RBFOX1: variants seen among roughly 807,000 people sequenced by gnomAD.
RBFOX1 encodes RNA binding protein fox-1 homolog 1.
A neutral mutation model predicts 57.7 loss-of-function variants in RBFOX1; 8 were observed. The observed-to-expected ratio is 0.14, with a 90% CI of 0.08 to 0.25. RBFOX1 has a LOEUF of 0.25. Among genes scored for constraint, RBFOX1 ranks in the 10% least tolerant of loss-of-function variants. RBFOX1 has a pLI of 1.00. For missense variants in RBFOX1, 611 were observed against 548.5 expected, an observed-to-expected ratio of 1.11 and a Z score of -1.14; for synonymous variants, 326 against 222.4, an observed-to-expected ratio of 1.47 and a Z score of -4.15.
chr16:6,832,005 A>G (rs2092741846), intron 3 of RBFOX1, among the ~76,000 whole-genome samples: 1 of 152,264 alleles, frequency 6.6e-6, no homozygotes, highest in African/African-American at 2.4e-5. Context: ...GGTATCACTA[A>G]TTAAATAAAG....
chr16:6,496,487 A>G (rs1277171276), intron 2 of RBFOX1, among the ~76,000 whole-genome samples: 1 of 152,204 alleles, frequency 6.6e-6, no homozygotes, highest in African/African-American at 2.4e-5. Context: ...TTGCTCATAC[A>G]GAAACAATCA....
chr16:6,011,246 G>A (rs1306198931), intron 4 of RBFOX1, among the ~76,000 whole-genome samples: 2 of 152,088 alleles, frequency 1.3e-5, no homozygotes, highest in African/African-American at 2.4e-5. Context: ...TCATTGACTC[G>A]CAACTTTTTT....
intron 3 of RBFOX1, among the ~76,000 whole-genome samples, chr16:6,863,329 A>T (rs2059337708): frequency 1.3e-5 from 2 of 152,222 alleles, no homozygotes; most frequent in East Asian, 1.9e-4. Flanking sequence ...ATGGGTAGAG[A>T]CAAAACGTGG....
At chr16:6,642,492 A>G (rs557115718) in intron 2 of RBFOX1, among the ~76,000 whole-genome samples, 2 of 152,166 alleles carry the variant, frequency 1.3e-5, no homozygotes, top group South Asian at 4.2e-4. Context: ...GTGCTGAGCC[A>G]GCAACCCTCG....
chr16:7,683,792 C>G (rs937565787), intron 14 of RBFOX1, among the ~76,000 whole-genome samples: 15 of 152,018 alleles, frequency 9.9e-5, no homozygotes, highest in African/African-American at 3.4e-4. Flanking sequence ...AGGTGTAGCT[C>G]TGTTGAGAAT....
chr16:6,208,673 T>G (rs2097271562), intron 1 of RBFOX1, among the ~76,000 whole-genome samples: 1 of 152,198 alleles, frequency 6.6e-6, no homozygotes, highest in African/African-American at 2.4e-5. Context: ...AATTTAGAAA[T>G]TCAAATGAAT....
chr16:7,021,356 G>C lies in RBFOX1; in HGVS notation c.-15-30701G>C, dbSNP rs1032585148. On this transcript the variant is annotated intron_variant, in intron 3 of 15. Transcript: ENST00000550418. ...TTTAAAAACATTTTTGAATATTTTAGTATTTATGTTCTTATATATTTTAAA... is the reference window on the plus strand; with the variant it reads ...TTTAAAAACATTTTTGAATATTTTACTATTTATGTTCTTATATATTTTAAA... Among the ~76,000 whole-genome samples the C allele has an allele frequency of 9.0e-5, 13 of 144,708 alleles. No individual in the cohort carries two copies. The East Asian group carries it at 2.4e-3, about 27-fold the overall frequency. 94.9% of individuals were successfully genotyped at this position (144,708 alleles called of 152,430 possible). A position where few individuals can be genotyped will look rare whatever the true frequency, so the allele number is the denominator to read the frequency against.
At chr16:6,936,999 G>A (rs371247643) in intron 3 of RBFOX1, among the ~76,000 whole-genome samples, 5 of 150,900 alleles carry the variant, frequency 3.3e-5, no homozygotes, top group Admixed American at 2.0e-4. Flanking sequence ...GCTAGATGAC[G>A]AGTTAGTGGG....
chr16:6,748,042 C>T (rs1027547016), intron 3 of RBFOX1, among the ~76,000 whole-genome samples: 2 of 152,086 alleles, frequency 1.3e-5, no homozygotes, highest in Non-Finnish European at 2.9e-5. Context: ...GTAGTGACAC[C>T]GTTATTTATT....
rs183486899 is a variant in RBFOX1 at position 7,432,423 on chromosome 16, A to G, written c.28-85724A>G. 1.1e-3 allele frequency among the ~76,000 whole-genome samples: 174 copies of G among 152,242 alleles called. 1 individual carries two copies. Among genetic ancestry groups the G allele is most frequent in the African/African-American group, 3.8e-3 (156 of 41,548 alleles). ...GCTTTTTGTGAATTCTCCTAATGCA[A>G]TCGTTGTGCTTACTGAGGCTGCTTG... is the stretch of plus-strand genomic sequence containing the variant. On this transcript the variant is annotated intron_variant, in intron 4 of 15. Transcript: ENST00000550418.
At chr16:6,251,411 G>A (rs2097610524) in intron 1 of RBFOX1, among the ~76,000 whole-genome samples, 1 of 152,098 alleles carries the variant, frequency 6.6e-6, no homozygotes, top group African/African-American at 2.4e-5. Context: ...TCAGTGTGTG[G>A]AGGGGGCAGG....
At chr16:6,031,244 T>G (rs2095284569) in intron 1 of RBFOX1, among the ~76,000 whole-genome samples, 1 of 151,996 alleles carries the variant, frequency 6.6e-6, no homozygotes, top group Non-Finnish European at 1.5e-5. Context: ...GAGGTGGCAG[T>G]GTGTTCAGAA....
chr16:6,244,210 T>A (rs1408179018), intron 1 of RBFOX1, among the ~76,000 whole-genome samples: 1 of 151,952 alleles, frequency 6.6e-6, no homozygotes. Flanking sequence ...TTAACTAAAA[T>A]GGAGATTTGG....
chr16:6,465,810 T>C (rs1039336033), intron 2 of RBFOX1, among the ~76,000 whole-genome samples: 1 of 151,342 alleles, frequency 6.6e-6, no homozygotes, highest in Non-Finnish European at 1.5e-5. Flanking sequence ...TGCTAACTGT[T>C]GATTTAGGCT....
intron 1 of RBFOX1, among the ~76,000 whole-genome samples, chr16:5,295,982 T>C (rs78064588): frequency 0.02 from 2,981 of 152,322 alleles, 84 homozygotes; most frequent in African/African-American, 0.068. Flanking sequence ...TTAACTTCAC[T>C]GTTATTTATT....
chr16:5,982,304 C>T (rs1402604765), intron 4 of RBFOX1, among the ~76,000 whole-genome samples: 3 of 151,670 alleles, frequency 2.0e-5, no homozygotes, highest in Non-Finnish European at 2.9e-5. Flanking sequence ...GATGGAGTCT[C>T]GCTCTGTTGC....
chr16:5,902,541 G>A (rs1035215726), intron 4 of RBFOX1, among the ~76,000 whole-genome samples: 1 of 152,020 alleles, frequency 6.6e-6, no homozygotes, highest in Non-Finnish European at 1.5e-5. Context: ...CCAGCCACCC[G>A]AGTAGCTGGG....
chr16:6,313,390 G>A (rs900739930), intron 1 of RBFOX1, among the ~76,000 whole-genome samples: 7 of 152,178 alleles, frequency 4.6e-5, no homozygotes, highest in African/African-American at 1.4e-4. Flanking sequence ...CAAGCCTGGA[G>A]GCAGGAGGAG....
intron 3 of RBFOX1, among the ~76,000 whole-genome samples, chr16:5,717,651 G>A (rs2051761525): frequency 6.6e-6 from 1 of 152,106 alleles, no homozygotes; most frequent in South Asian, 2.1e-4. Flanking sequence ...TTAGAATAAT[G>A]TCCTCCAGCT....
Sources: allele counts gnomAD v4.1 joint callset (sites outside exome capture counted in the v4.1 genomes callset), GRCh38; gene constraint gnomAD v4.1.1; transcripts MANE v1.5; gene names NCBI Gene and HGNC (gene_info 2026-07-23, HGNC 2026-07-21).